The following CFAP57 variants were observed in gnomAD, a reference collection of about 807,000 sequenced individuals.
The protein encoded by CFAP57 is cilia- and flagella-associated protein 57.
CFAP57 carries 116 observed loss-of-function variants against 146.8 expected under a neutral mutation model. The observed-to-expected ratio is 0.79, with a 90% CI of 0.68 to 0.92. The LOEUF is 0.92. CFAP57 is among the 40% of genes least tolerant of loss of function. CFAP57 has a pLI of 0.00. For missense variants in CFAP57, 1,377 were observed against 1,527.2 expected (o/e 0.90, Z 1.64); for synonymous variants, 518 against 552.8 (o/e 0.94, Z 0.88).
chr1:43,209,620 A>C (rs184686184), intron 10 of CFAP57, 123 bp from the exon 11 acceptor site: 18 of 1,017,468 alleles, frequency 1.8e-5, no homozygotes, highest in African/African-American at 3.2e-5. Flanking sequence ...AGGGGATAGA[A>C]AAAGCATTTT....
rs1291542297 is a variant in CFAP57 at position 43,224,079 on chromosome 1, A to G, written c.2740A>G (p.Thr914Ala). The G allele has an allele frequency of 1.3e-6, 2 of 1,550,536 alleles. No individual in the cohort carries two copies. Among genetic ancestry groups the G allele is most frequent in the Middle Eastern group, 1.7e-4 (1 of 5,992 alleles). ...CCTACAGAAGGAGATTGAAGAACGAACCAATGACATCGAGACCCTAAAAGG... is the reference window on the plus strand; with the variant it reads ...CCTACAGAAGGAGATTGAAGAACGAGCCAATGACATCGAGACCCTAAAAGG... The part of the protein sequence containing the change: ...SSLQKEIEER[T>A]NDIETLKGEQ... Residue 914 changes from threonine to alanine, a missense_variant, in exon 17 of 23, where the codon ACC becomes GCC. Thr to Ala is a moderately conservative substitution (Grantham distance 58). Transcript: ENST00000372492.
chr1:43,205,400 C>T (rs138054969), intron 9 of CFAP57, among the ~76,000 whole-genome samples: 62 of 152,346 alleles, frequency 4.1e-4, no homozygotes, highest in Non-Finnish European at 7.1e-4. Context: ...TCCACTGCAC[C>T]AGAGCTGGGG....
At chr1:43,234,826 G>A (rs1645624833) in intron 21 of CFAP57, among the ~76,000 whole-genome samples, 188 bp downstream of exon 21, 1 of 152,054 alleles carries the variant, frequency 6.6e-6, no homozygotes, top group Non-Finnish European at 1.5e-5. Flanking sequence ...GTGGCTGAGA[G>A]CTCACCTAGG....
chr1:43,181,889 A>T, intron 3 of CFAP57, 39 bp downstream of exon 3: 1 of 1,600,688 alleles, frequency 6.2e-7, no homozygotes, highest in South Asian at 1.1e-5. Context: ...AAATTATAAA[A>T]AATAGAACTA....
Position 43,227,016 on chromosome 1 carries a change from C to G in CFAP57, c.2899C>G (p.Gln967Glu), listed in dbSNP as rs772013333. The G allele has an allele frequency of 1.3e-6, 2 of 1,525,200 alleles. No homozygotes were observed. The highest frequency in any genetic ancestry group is 1.3e-5 in the South Asian group (1 of 79,194). The allele number at this position is 1,525,200 out of a possible 1,614,324, so 94.5% of individuals were successfully genotyped here. A position where few individuals can be genotyped will look rare whatever the true frequency, so the allele number is the denominator to read the frequency against. The change falls in exon 18 of 23, where the codon CAA becomes GAA. Residue 967 changes from glutamine (Q) to glutamate (E), a missense_variant. By Grantham distance (29) the Gln-to-Glu change is conservative (BLOSUM62 2). Coordinates refer to ENST00000372492, the MANE Select transcript of CFAP57 (RefSeq NM_001378189.1). ...AATTTATGATCTGAAAAAGAAAAAT[C>G]AAGAACTAGGGAAATTCAAGTTTGT... ...KRIYDLKKKN[Q>E]ELGKFKFVLD...
chr1:43,220,654 G>T (rs1381805465), intron 13 of CFAP57, among the ~76,000 whole-genome samples: 2 of 152,114 alleles, frequency 1.3e-5, no homozygotes, highest in Non-Finnish European at 2.9e-5. Context: ...AGCCTGGGAG[G>T]TGGGGACTGT....
At chr1:43,190,453 G>A (rs648107) in intron 6 of CFAP57, among the ~76,000 whole-genome samples, 73,814 of 151,524 alleles carry the variant, frequency 0.49, 20,190 homozygotes, top group East Asian at 0.71. Flanking sequence ...TGTATTTTTA[G>A]TAGAGACGGG....
At chr1:43,212,762 C>T (rs566976488) in intron 11 of CFAP57, among the ~76,000 whole-genome samples, 5 of 152,004 alleles carry the variant, frequency 3.3e-5, no homozygotes, top group South Asian at 4.2e-4. Flanking sequence ...ATGAAACCCC[C>T]GTCTCTACTA....
At chr1:43,241,671 C>G (rs991712149) in intron 21 of CFAP57, among the ~76,000 whole-genome samples, 48 of 152,294 alleles carry the variant, frequency 3.2e-4, no homozygotes, top group African/African-American at 1.1e-3. Flanking sequence ...AGGTGCTTTG[C>G]AACTGAAAGT....
intron 12 of CFAP57, among the ~76,000 whole-genome samples, chr1:43,216,703 G>A (rs954725569): frequency 2.6e-5 from 4 of 152,116 alleles, no homozygotes; most frequent in East Asian, 1.9e-4. Context: ...CCTCCTCCCC[G>A]CTTCTGTCCT....
At chr1:43,216,019 G>T (rs981259132) in intron 12 of CFAP57, among the ~76,000 whole-genome samples, 5 of 152,140 alleles carry the variant, frequency 3.3e-5, no homozygotes, top group African/African-American at 7.2e-5. Flanking sequence ...TTCCATAAAG[G>T]TGTGTTTTGC....
At chr1:43,219,917 C>T (rs1557794393) in intron 13 of CFAP57, among the ~76,000 whole-genome samples, 1 of 151,980 alleles carries the variant, frequency 6.6e-6, no homozygotes, top group Non-Finnish European at 1.5e-5. Context: ...TGAGATCGCT[C>T]CACAGCACTC....
At chr1:43,236,589 C>CAAAA (rs1417880897) in intron 21 of CFAP57, among the ~76,000 whole-genome samples, 2 of 5,286 alleles carry the variant, frequency 3.8e-4, no homozygotes, top group Non-Finnish European at 7.6e-4. Context: ...AGAATAAGTG[C>CAAAA]TAAAAAAAAA....
intron 6 of CFAP57, among the ~76,000 whole-genome samples, chr1:43,192,652 T>C (rs990418933): frequency 6.9e-6 from 1 of 145,646 alleles, no homozygotes; most frequent in Non-Finnish European, 1.5e-5. Context: ...AAGCCGGGAG[T>C]GGTGGCTCAC....
intron 22 of CFAP57, among the ~76,000 whole-genome samples, chr1:43,251,490 A>C (rs925608480): frequency 5.9e-5 from 9 of 152,208 alleles, no homozygotes. Context: ...AGATAAAACA[A>C]ATACAGGTTT....
chr1:43,224,326 A>G (rs1570224039), intron 17 of CFAP57, 122 bp downstream of exon 17: 3 of 1,167,222 alleles, frequency 2.6e-6, no homozygotes, highest in Admixed American at 3.0e-5. Context: ...TGATGGGGGA[A>G]CCAGCCGTCA....
chr1:43,235,037 C>G (rs1314391216), intron 21 of CFAP57, among the ~76,000 whole-genome samples: 1 of 152,144 alleles, frequency 6.6e-6, no homozygotes, highest in Non-Finnish European at 1.5e-5. Context: ...GCCACTTTCC[C>G]TTCTCTCTTC....
chr1:43,210,047 A>G lies in CFAP57; in HGVS notation c.1929+131A>G. The stretch of plus-strand genomic sequence containing the variant: ...TATTTATTCATCCATCATTCATTGA[A>G]TCACCATCTATTGACTATGAATATA... On this transcript the variant is annotated intron_variant, in intron 11 of 22. Transcript: ENST00000372492. 1 of 1,614,096 alleles carries G rather than the reference A, an allele frequency of 6.2e-7. No individual in the cohort carries two copies. Among genetic ancestry groups the G allele is most frequent in the African/African-American group, 1.3e-5 (1 of 75,046 alleles).
chr1:43,235,917 G>C (rs991240595), intron 21 of CFAP57, among the ~76,000 whole-genome samples: 1 of 152,204 alleles, frequency 6.6e-6, no homozygotes, highest in African/African-American at 2.4e-5. Flanking sequence ...TCCATGCCAA[G>C]CAGCCAAAGC....
Sources: gnomAD v4.1 joint callset for allele counts (sites outside exome capture counted in the v4.1 genomes callset) on GRCh38, gnomAD v4.1.1 for gene constraint, MANE v1.5 for transcripts, NCBI Gene and HGNC (gene_info 2026-07-23, HGNC 2026-07-21) for gene names.